Variants in ABLIM3 observed in about 807,000 individuals in gnomAD.
ABLIM3 encodes the protein actin-binding LIM protein 3.
ABLIM3 carries 61 observed loss-of-function variants against 109.5 expected under a neutral mutation model. That is an observed-to-expected ratio of 0.56 (90% CI 0.45 to 0.69). The LOEUF (loss-of-function observed/expected upper bound fraction) is 0.69, where lower values mean the gene tolerates loss of function less well. Among genes scored for constraint, ABLIM3 ranks in the 30% least tolerant of loss-of-function variants. The pLI is 0.00. For missense variants in ABLIM3, 796 were observed against 889.5 expected, an observed-to-expected ratio of 0.89 and a Z score of 1.34; for synonymous variants, 300 against 324.8, an observed-to-expected ratio of 0.92 and a Z score of 0.82.
intron 2 of ABLIM3, among the ~76,000 whole-genome samples, chr5:149,158,801 A>T (rs780912103): frequency 1.3e-5 from 2 of 152,336 alleles, no homozygotes; most frequent in Middle Eastern, 3.4e-3. Flanking sequence ...ATGGGCAAGA[A>T]TTCTAACAGA....
chr5:149,143,045 GT>G (rs1752627058), intron 2 of ABLIM3, among the ~76,000 whole-genome samples: 1 of 152,036 alleles, frequency 6.6e-6, no homozygotes, highest in Non-Finnish European at 1.5e-5. Context: ...CTGCTCATCT[GT>G]ATGATGAGAG....
At chr5:149,167,844 G>T (rs1265936938) in intron 2 of ABLIM3, among the ~76,000 whole-genome samples, 1 of 152,100 alleles carries the variant, frequency 6.6e-6, no homozygotes, top group African/African-American at 2.4e-5. Context: ...ATGAAAGTAG[G>T]GTTTATACTC....
intron 5 of ABLIM3, among the ~76,000 whole-genome samples, chr5:149,202,148 C>T (rs1461405100): frequency 6.6e-6 from 1 of 152,190 alleles, no homozygotes; most frequent in African/African-American, 2.4e-5. Context: ...TTGTGTGTTA[C>T]TGTATGCATT....
In ABLIM3 at chr5:149,233,729, A is replaced by G. The variant is rs538489180; in HGVS notation, c.888+429A>G. The stretch of plus-strand genomic sequence containing the variant: ...AGTGGTGGGTGATAAAGAGGCAGAA[A>G]GGAGAAGGAAGCCACATACACATGT... On this transcript the variant is annotated intron_variant, in intron 10 of 23. Coordinates refer to ENST00000309868, the MANE Select transcript of ABLIM3 (RefSeq NM_014945.5). Among the ~76,000 whole-genome samples, 12 of 152,358 alleles carry G rather than the reference A, an allele frequency of 7.9e-5. No homozygotes were observed. In the East Asian group the frequency reaches 2.3e-3, roughly 29 times the overall value.
chr5:149,212,453 C>T (rs914318750), intron 7 of ABLIM3, among the ~76,000 whole-genome samples: 1 of 151,900 alleles, frequency 6.6e-6, no homozygotes, highest in Non-Finnish European at 1.5e-5. Flanking sequence ...GGGAGGATGA[C>T]GTGATAATGT....
chr5:149,203,264 C>A (rs538823987), intron 5 of ABLIM3, among the ~76,000 whole-genome samples: 3 of 151,576 alleles, frequency 2.0e-5, no homozygotes, highest in Middle Eastern at 3.5e-3. Context: ...AACACCACTG[C>A]CACCACCAAT....
intron 3 of ABLIM3, among the ~76,000 whole-genome samples, chr5:149,186,770 A>G (rs1208169415): frequency 6.6e-6 from 1 of 152,096 alleles, no homozygotes; most frequent in East Asian, 1.9e-4. Context: ...CAGAACCTCA[A>G]CAACTTTGTA....
Position 149,228,479 on chromosome 5 carries a change from A to G in ABLIM3, c.758-2170A>G, listed in dbSNP as rs112789568. Reference sequence around the variant, plus strand: ...TTTCTTTGTTAAACACACATGGGCCAGGCACTGTTTTTGGCTCTGGGGATA... The same window carrying G: ...TTTCTTTGTTAAACACACATGGGCCGGGCACTGTTTTTGGCTCTGGGGATA... On this transcript the variant is annotated intron_variant, in intron 8 of 23. Coordinates refer to ENST00000309868, the MANE Select transcript of ABLIM3 (RefSeq NM_014945.5). Among the ~76,000 whole-genome samples the G allele has an allele frequency of 2.2e-3, 336 of 152,336 alleles. 2 individuals carry two copies. The highest frequency in any genetic ancestry group is 3.6e-3 in the Non-Finnish European group (246 of 68,026).
chr5:149,250,686 C>G (rs1195347092), intron 20 of ABLIM3, among the ~76,000 whole-genome samples, 181 bp downstream of exon 20: 1 of 152,152 alleles, frequency 6.6e-6, no homozygotes, highest in Non-Finnish European at 1.5e-5. Context: ...GAAAAGGGGC[C>G]CCCATGGGAG....
intron 15 of ABLIM3, 30 bp from the exon 16 acceptor site, chr5:149,244,851 C>T (rs201881010): frequency 4.9e-4 from 799 of 1,614,158 alleles, no homozygotes; most frequent in Middle Eastern, 1.6e-3. Flanking sequence ...ACTCTGCCTT[C>T]CTGAAGTGCT....
At chr5:149,170,557 G>A (rs1175824340) in intron 2 of ABLIM3, among the ~76,000 whole-genome samples, 3 of 152,182 alleles carry the variant, frequency 2.0e-5, no homozygotes, top group African/African-American at 7.2e-5. Context: ...TCTATTGCCA[G>A]ATGAAGCAGA....
At chr5:149,226,453 C>T (rs1431378142) in intron 8 of ABLIM3, among the ~76,000 whole-genome samples, 1 of 152,072 alleles carries the variant, frequency 6.6e-6, no homozygotes, top group Non-Finnish European at 1.5e-5. Flanking sequence ...CACTCCCCTC[C>T]AGCCTGGTGA....
intron 3 of ABLIM3, 52 bp downstream of exon 3, chr5:149,183,641 A>T: frequency 6.8e-7 from 1 of 1,466,812 alleles, no homozygotes; most frequent in Non-Finnish European, 9.0e-7. Context: ...CCATTCTTGC[A>T]CCATCAGGTC....
chr5:149,193,322 G>A (rs1222818973), intron 3 of ABLIM3, among the ~76,000 whole-genome samples: 2 of 151,856 alleles, frequency 1.3e-5, no homozygotes, highest in Admixed American at 6.6e-5. Flanking sequence ...GAAAAAAATT[G>A]CATTTGTATT....
At chr5:149,244,604 T>A in intron 15 of ABLIM3, 1 of 459,234 alleles carries the variant, frequency 2.2e-6, no homozygotes, top group Non-Finnish European at 4.0e-6. Flanking sequence ...GAAAGAGCCC[T>A]GGGCTGGGAT....
intron 2 of ABLIM3, among the ~76,000 whole-genome samples, chr5:149,147,400 C>T (rs547686992): frequency 6.6e-6 from 1 of 152,144 alleles, no homozygotes; most frequent in East Asian, 1.9e-4. Flanking sequence ...ACCTTGCATC[C>T]TGAGAATAAA....
chr5:149,145,572 C>T (rs536100097), intron 2 of ABLIM3, among the ~76,000 whole-genome samples: 92 of 152,254 alleles, frequency 6.0e-4, no homozygotes, highest in Non-Finnish European at 1.1e-3. Context: ...CTCCAAATTG[C>T]TTTCCACAGT....
chr5:149,222,280 A>G (rs1760728888), intron 8 of ABLIM3, among the ~76,000 whole-genome samples: 1 of 152,100 alleles, frequency 6.6e-6, no homozygotes. Flanking sequence ...AAAAACTATT[A>G]ATGTCCTCAT....
chr5:149,229,357 G>A (rs541758576), intron 8 of ABLIM3, among the ~76,000 whole-genome samples: 11 of 152,282 alleles, frequency 7.2e-5, no homozygotes, highest in Admixed American at 2.0e-4. Context: ...AAAACTGCCC[G>A]TAAAATTAGA....
Sources: allele counts gnomAD v4.1 joint callset (sites outside exome capture counted in the v4.1 genomes callset), GRCh38; gene constraint gnomAD v4.1.1; transcripts MANE v1.5; gene names NCBI Gene and HGNC (gene_info 2026-07-23, HGNC 2026-07-21).